Variants in LRRIQ1 observed in about 807,000 individuals in gnomAD.
LRRIQ1 encodes leucine-rich repeat- and IQ domain-containing protein 1.
In LRRIQ1, 210 loss-of-function variants were observed where a neutral mutation model predicts 211.9. The observed-to-expected ratio is 0.99, with a 90% CI of 0.89 to 1.11. The LOEUF is 1.11. Ranked by LOEUF, LRRIQ1 falls within the 50% of genes most tolerant of loss-of-function variation. LRRIQ1 has a pLI of 0.00. For synonymous variants in LRRIQ1, 699 were observed against 650.1 expected, an observed-to-expected ratio of 1.08 and a Z score of -1.14; for missense variants, 2,136 against 1,939.5, an observed-to-expected ratio of 1.10 and a Z score of -1.90.
chr12:85,160,559 G>A (rs77427757), intron 23 of LRRIQ1, 54 bp from the exon 24 acceptor site: 6 of 1,092,044 alleles, frequency 5.5e-6, no homozygotes, highest in Admixed American at 3.8e-5. Context: ...TGGACATTTA[G>A]AGAAGGAATT....
chr12:85,128,008 G>A lies in LRRIQ1; in HGVS notation c.4184G>A (p.Arg1395Lys), dbSNP rs1888501835. ...RENIVNIRKQ[R>K]EKAAILIQAV... The stretch of plus-strand genomic sequence containing the variant: ...AATATTGTGAATATCCGAAAACAGA[G>A]GGAGAAGGCTGCTATTCTTATTCAG... The change falls in exon 18 of 27, where the codon AGG (arginine) becomes AAG (lysine). Residue 1395 changes from arginine to lysine, a missense_variant. Arg to Lys is a conservative substitution (Grantham distance 26). Coordinates refer to ENST00000393217, the MANE Select transcript of LRRIQ1 (RefSeq NM_001079910.2). 1.9e-6 allele frequency: 3 copies of A among 1,611,244 alleles called. No individual in the cohort carries two copies. The highest frequency in any genetic ancestry group is 1.3e-5 in the African/African-American group (1 of 74,852).
At chr12:85,054,654 GT>G (rs1241715455) in intron 7 of LRRIQ1, among the ~76,000 whole-genome samples, 2 of 150,408 alleles carry the variant, frequency 1.3e-5, no homozygotes, top group Non-Finnish European at 1.5e-5. Context: ...TCATTTTGAA[GT>G]TTTTTTTTAA....
intron 16 of LRRIQ1, among the ~76,000 whole-genome samples, chr12:85,122,282 A>G (rs1888041958): frequency 6.6e-6 from 1 of 152,174 alleles, no homozygotes; most frequent in Non-Finnish European, 1.5e-5. Context: ...TTTATAACAC[A>G]TGTAATTTAT....
chr12:85,057,650 A>T lies in LRRIQ1; in HGVS notation c.2391+466A>T, dbSNP rs1233028467. Among the ~76,000 whole-genome samples the T allele has an allele frequency of 2.0e-5, 3 of 152,044 alleles. No homozygotes were observed. The East Asian group carries it at 5.8e-4, about 29-fold the overall frequency. On this transcript the variant is annotated intron_variant, in intron 8 of 26. Transcript: ENST00000393217. ...TGATAGAAGACCCTGAAGACCCTAG[A>T]ATTCCCATCTAGCAACAATTATTTA...
At chr12:85,175,887 C>T (rs1307309837) in intron 24 of LRRIQ1, among the ~76,000 whole-genome samples, 1 of 152,128 alleles carries the variant, frequency 6.6e-6, no homozygotes, top group East Asian at 1.9e-4. Flanking sequence ...GTACCAGTAC[C>T]ATGCTTTTTT....
At chr12:85,264,376 C>T (rs888895593) in exon 2 of LRRIQ1, 1 of 151,924 alleles carries the variant, frequency 6.6e-6, no homozygotes, top group African/African-American at 2.4e-5. Context: ...ATAATATTAA[C>T]TTTGAGGATG....
chr12:85,138,934 T>A (rs1889333971), intron 19 of LRRIQ1, among the ~76,000 whole-genome samples: 1 of 151,486 alleles, frequency 6.6e-6, no homozygotes, highest in Non-Finnish European at 1.5e-5. Flanking sequence ...GATGTGTGAA[T>A]GGAGTTCTAG....
intron 26 of LRRIQ1, among the ~76,000 whole-genome samples, chr12:85,244,342 G>T (rs1895615573): frequency 6.6e-6 from 1 of 151,490 alleles, no homozygotes; most frequent in South Asian, 2.1e-4. Flanking sequence ...CAAGCATAGG[G>T]TGAAAGGCAT....
At chr12:85,155,377 GGTGGTTACCCA>G (rs1490497830) in intron 23 of LRRIQ1, among the ~76,000 whole-genome samples, 1 of 151,418 alleles carries the variant, frequency 6.6e-6, no homozygotes, top group African/African-American at 2.4e-5. Flanking sequence ...AATGCTATGT[GGTGGTTACCCA>G]GTGAAATAGT....
At chr12:85,148,243 C>T (rs754344381) in intron 19 of LRRIQ1, among the ~76,000 whole-genome samples, 4 of 151,464 alleles carry the variant, frequency 2.6e-5, no homozygotes, top group South Asian at 2.1e-4. Flanking sequence ...CATAGGTATA[C>T]GTGTCCCATG....
intron 24 of LRRIQ1, among the ~76,000 whole-genome samples, chr12:85,191,870 T>C (rs1334531754): frequency 6.6e-6 from 1 of 152,030 alleles, no homozygotes; most frequent in African/African-American, 2.4e-5. Context: ...TAATGACATA[T>C]GATACTGAGC....
At chr12:85,264,618 T>C (rs909381695), downstream of LRRIQ1, among the ~76,000 whole-genome samples, 1 of 152,078 alleles carries the variant, frequency 6.6e-6, no homozygotes, top group African/African-American at 2.4e-5. Flanking sequence ...ATTTTAAAAA[T>C]TGGATAAAAC....
chr12:85,113,787 A>AC (rs1887355980), intron 15 of LRRIQ1, among the ~76,000 whole-genome samples: 8 of 152,150 alleles, frequency 5.3e-5, no homozygotes, highest in Admixed American at 1.3e-4. Flanking sequence ...GTGCTGTAGT[A>AC]TTTATCACAT....
intron 24 of LRRIQ1, among the ~76,000 whole-genome samples, chr12:85,162,156 CT>C (rs893946523): frequency 1.3e-5 from 2 of 151,844 alleles, no homozygotes; most frequent in African/African-American, 4.8e-5. Context: ...CCTTTACATT[CT>C]TTTTTTATAT....
intron 13 of LRRIQ1, among the ~76,000 whole-genome samples, chr12:85,100,538 C>G (rs1886274762): frequency 6.6e-6 from 1 of 151,634 alleles, no homozygotes; most frequent in Non-Finnish European, 1.5e-5. Context: ...AATGTATGTT[C>G]TTACACCCAC....
intron 13 of LRRIQ1, among the ~76,000 whole-genome samples, chr12:85,101,468 TC>T (rs1057479771): frequency 6.6e-6 from 1 of 151,834 alleles, no homozygotes; most frequent in Admixed American, 6.6e-5. Flanking sequence ...ATTGTACAAA[TC>T]TTTTGCTTTT....
intron 11 of LRRIQ1, among the ~76,000 whole-genome samples, chr12:85,076,004 C>A (rs193192934): frequency 1.3e-5 from 2 of 151,976 alleles, no homozygotes; most frequent in Admixed American, 6.6e-5. Context: ...TTTAAATTAC[C>A]TTATTCTTCT....
At chr12:85,127,801 AAGT>A (rs1328339268) in intron 17 of LRRIQ1, 28 bp from the exon 18 acceptor site, 25 of 1,585,336 alleles carry the variant, frequency 1.6e-5, no homozygotes, top group Non-Finnish European at 2.2e-5. Context: ...ATAATAAAAA[AAGT>A]GTGTGTTTTT....
chr12:85,159,899 A>G (rs1434891328), intron 23 of LRRIQ1, among the ~76,000 whole-genome samples: 2 of 152,012 alleles, frequency 1.3e-5, no homozygotes, highest in Admixed American at 6.6e-5. Context: ...ATTAATACTT[A>G]TGAAATGTAC....
Sources: gnomAD v4.1 joint callset for allele counts (sites outside exome capture counted in the v4.1 genomes callset) on GRCh38, gnomAD v4.1.1 for gene constraint, MANE v1.5 for transcripts, NCBI Gene and HGNC (gene_info 2026-07-23, HGNC 2026-07-21) for gene names.